Variants in GOLPH3 observed in about 807,000 individuals in gnomAD.
GOLPH3 encodes the protein golgi phosphoprotein 3, also known as coat protein GPP34.
A neutral mutation model predicts 28.5 loss-of-function variants in GOLPH3; 14 were observed. That is an observed-to-expected ratio of 0.49 (90% CI 0.32 to 0.77). The LOEUF is 0.77. Ranked by LOEUF, GOLPH3 falls within the 30% of genes least tolerant of loss-of-function variation. GOLPH3 has a pLI of 0.03. For missense variants in GOLPH3, 350 were observed against 393.7 expected, an observed-to-expected ratio of 0.89 and a Z score of 0.94; for synonymous variants, 158 against 159.2, an observed-to-expected ratio of 0.99 and a Z score of 0.06.
chr5:32,130,509 TA>T (rs1411053881), intron 3 of GOLPH3, among the ~76,000 whole-genome samples: 9 of 152,196 alleles, frequency 5.9e-5, no homozygotes, highest in African/African-American at 2.2e-4. Context: ...TATAGCAGAA[TA>T]AATGACTCCC....
At chr5:32,142,461 C>T (rs1369869802) in intron 2 of GOLPH3, among the ~76,000 whole-genome samples, 8 of 150,296 alleles carry the variant, frequency 5.3e-5, no homozygotes, top group Admixed American at 2.0e-4. Context: ...CCACCTCGTC[C>T]GGGAGGGAGG....
At chr5:32,160,867 A>C (rs1746555376) in intron 1 of GOLPH3, among the ~76,000 whole-genome samples, 1 of 152,104 alleles carries the variant, frequency 6.6e-6, no homozygotes, top group Admixed American at 6.6e-5. Flanking sequence ...GGAGATCGAG[A>C]CCATCCTGGC....
At chr5:32,163,724 C>A (rs1746646413) in intron 1 of GOLPH3, among the ~76,000 whole-genome samples, 1 of 151,852 alleles carries the variant, frequency 6.6e-6, no homozygotes, top group Admixed American at 6.6e-5. Flanking sequence ...ATGAATGGCA[C>A]AGAGAAGCTG....
In GOLPH3 at chr5:32,169,268, A is replaced by ATTT. The variant is rs548806168; in HGVS notation, c.225+4541_225+4542insAAA. Among the ~76,000 whole-genome samples, 31 of 152,256 alleles carry ATTT rather than the reference A, an allele frequency of 2.0e-4. No homozygotes were observed. In the East Asian group the frequency reaches 3.3e-3, roughly 16 times the overall value. On this transcript the variant is annotated intron_variant, in intron 1 of 3. Coordinates refer to ENST00000265070, the MANE Select transcript of GOLPH3 (RefSeq NM_022130.4). ...CTGCACTCCAGCCTGGGTGACAAAGAAAGACCCTGTCTCAAAAACAGGCAA... is the reference window on the plus strand; with the variant it reads ...CTGCACTCCAGCCTGGGTGACAAAGATTTAAGACCCTGTCTCAAAAACAGGCAA...
intron 1 of GOLPH3, among the ~76,000 whole-genome samples, chr5:32,170,586 T>C (rs1221922851): frequency 1.3e-5 from 2 of 152,092 alleles, no homozygotes; most frequent in African/African-American, 2.4e-5. Context: ...GTTAAAAACA[T>C]GGTGGCGAGC....
chr5:32,174,314 C>T lies in GOLPH3; in HGVS notation c.-280G>A, dbSNP rs1046557514. The stretch of plus-strand genomic sequence containing the variant: ...GGCGGAGGCGGCGGCGGCGCCTTTC[C>T]AATATGGCGGCCCCGGCTGACGTCA... On this transcript the variant is annotated 5_prime_UTR_variant, in exon 1 of 4. Transcript: ENST00000265070. The T allele has an allele frequency of 9.6e-6, 3 of 314,100 alleles. No individual in the cohort carries two copies. The highest frequency in any genetic ancestry group is 1.7e-5 in the Non-Finnish European group (3 of 172,608). The allele number at this position is 314,100 out of a possible 1,614,324, so 19.5% of individuals were successfully genotyped here. A position where few individuals can be genotyped will look rare whatever the true frequency, so the allele number is the denominator to read the frequency against.
At chr5:32,147,194 C>T (rs1339251858) in intron 1 of GOLPH3, among the ~76,000 whole-genome samples, 1 of 151,932 alleles carries the variant, frequency 6.6e-6, no homozygotes, top group Non-Finnish European at 1.5e-5. Context: ...TTGATCACAT[C>T]ATTATCATAG....
chr5:32,141,873 G>A (rs994715852), intron 2 of GOLPH3, among the ~76,000 whole-genome samples: 2 of 146,998 alleles, frequency 1.4e-5, no homozygotes, highest in Admixed American at 1.4e-4. Flanking sequence ...CGAGGTGCCG[G>A]GATTGCAGAC....
At chr5:32,154,459 T>C (rs1746374830) in intron 1 of GOLPH3, among the ~76,000 whole-genome samples, 1 of 152,260 alleles carries the variant, frequency 6.6e-6, no homozygotes, top group South Asian at 2.1e-4. Flanking sequence ...ATAACTGTGA[T>C]GTGATATGAA....
At chr5:32,164,316 C>T (rs188185504) in intron 1 of GOLPH3, among the ~76,000 whole-genome samples, 56 of 152,238 alleles carry the variant, frequency 3.7e-4, no homozygotes, top group African/African-American at 1.3e-3. Flanking sequence ...TCTTCTCCCC[C>T]ATGAAATTTT....
chr5:32,132,152 CCAAAGACAAAACAAAA>C (rs1429618536), intron 3 of GOLPH3, among the ~76,000 whole-genome samples: 1 of 151,954 alleles, frequency 6.6e-6, no homozygotes, highest in Non-Finnish European at 1.5e-5. Flanking sequence ...AGACTTTGTC[CCAAAGACAAAACAAAA>C]CAAACAAAAT....
At chr5:32,165,671 ATGAACT>A (rs1380872132) in intron 1 of GOLPH3, among the ~76,000 whole-genome samples, 3 of 152,260 alleles carry the variant, frequency 2.0e-5, no homozygotes, top group African/African-American at 7.2e-5. Context: ...ACTAAAATGA[ATGAACT>A]TGAAGACAGA....
intron 1 of GOLPH3, among the ~76,000 whole-genome samples, chr5:32,173,288 T>C (rs1746886445): frequency 1.3e-5 from 2 of 151,932 alleles, no homozygotes; most frequent in South Asian, 4.1e-4. Flanking sequence ...TTCCCTCTAT[T>C]ACCACTTCGC....
chr5:32,158,421 A>T (rs1289748232), intron 1 of GOLPH3, among the ~76,000 whole-genome samples: 1 of 152,096 alleles, frequency 6.6e-6, no homozygotes, highest in African/African-American at 2.4e-5. Context: ...CCCTCCTAAA[A>T]TACCTTAAAT....
chr5:32,137,313 C>T (rs62361285), intron 2 of GOLPH3, among the ~76,000 whole-genome samples: 22,715 of 151,772 alleles, frequency 0.15, 2,082 homozygotes, highest in Middle Eastern at 0.21. Context: ...AAGAAATTAT[C>T]AATAGCGTTG....
At chr5:32,165,545 T>C (rs1746692317) in intron 1 of GOLPH3, among the ~76,000 whole-genome samples, 1 of 151,750 alleles carries the variant, frequency 6.6e-6, no homozygotes, top group Admixed American at 6.6e-5. Context: ...ATTGCACCAC[T>C]GCACTCCAGC....
intron 3 of GOLPH3, among the ~76,000 whole-genome samples, chr5:32,132,829 G>A (rs1745850454): frequency 6.6e-6 from 1 of 152,090 alleles, no homozygotes; most frequent in African/African-American, 2.4e-5. Context: ...AATTAGGTGG[G>A]AAATAGATAT....
intron 2 of GOLPH3, 41 bp downstream of exon 2, chr5:32,143,708 A>G: frequency 6.4e-7 from 1 of 1,561,798 alleles, no homozygotes; most frequent in South Asian, 1.2e-5. Context: ...TTTAAGCAGT[A>G]CAACCTCTTT....
chr5:32,161,639 A>G (rs1746579919), intron 1 of GOLPH3, among the ~76,000 whole-genome samples: 1 of 151,306 alleles, frequency 6.6e-6, no homozygotes, highest in South Asian at 2.1e-4. Flanking sequence ...CTTGGAGGCT[A>G]CTGATACGTC....
Sources: gnomAD v4.1 joint callset for allele counts (sites outside exome capture counted in the v4.1 genomes callset) on GRCh38, gnomAD v4.1.1 for gene constraint, MANE v1.5 for transcripts, NCBI Gene and HGNC (gene_info 2026-07-23, HGNC 2026-07-21) for gene names.